SLC3A2: variants seen among roughly 807,000 people sequenced by gnomAD.
SLC3A2 encodes amino acid transporter heavy chain SLC3A2.
SLC3A2 carries 32 observed loss-of-function variants against 48.5 expected under a neutral mutation model. That is an observed-to-expected ratio of 0.66 (90% confidence interval 0.50 to 0.89). The LOEUF is 0.89. Ranked by LOEUF, SLC3A2 falls within the 40% of genes least tolerant of loss-of-function variation. SLC3A2 has a pLI of 0.00. For missense variants in SLC3A2, 587 were observed against 680.7 expected (o/e 0.86, Z 1.53); for synonymous variants, 277 against 288.8 (o/e 0.96, Z 0.41).
At chr11:62,882,612 G>C (rs1164038966) in intron 2 of SLC3A2, 1 of 347,996 alleles carries the variant, frequency 2.9e-6, no homozygotes, top group African/African-American at 2.1e-5. Flanking sequence ...AGCCTCCTGA[G>C]TAGCTGGTAC....
At chr11:62,867,007 T>A (rs1415047289) in intron 1 of SLC3A2, among the ~76,000 whole-genome samples, 3 of 152,182 alleles carry the variant, frequency 2.0e-5, no homozygotes, top group African/African-American at 7.2e-5. Context: ...TCTTTCTGTT[T>A]TTTTGAGATG....
Position 62,881,878 on chromosome 11 carries a change from C to T in SLC3A2, c.425-15C>T. 1.2e-6 allele frequency: 2 copies of T among 1,612,522 alleles called. No individual in the cohort carries two copies. The highest frequency in any genetic ancestry group is 1.7e-6 in the Non-Finnish European group (2 of 1,179,018). On this transcript the variant is annotated splice_polypyrimidine_tract_variant and intron_variant, in intron 1 of 8. Coordinates refer to ENST00000338663, the MANE Select transcript of SLC3A2 (RefSeq NM_001013251.3). The surrounding 1 kb of genome is among the most constrained non-coding windows in gnomAD (Gnocchi z 4.0). ...CTCAGAGGGGCCTCACTTGTTAACC[C>T]AGCCCCCATTTCAGGTCTGAAGGGG...
In SLC3A2 at chr11:62,881,164, G is replaced by A. The variant is rs151229224; in HGVS notation, c.141G>A (p.Val47=). The change falls in exon 1 of 9, where the codon GTG becomes GTA. Residue 47 remains valine (V), a synonymous_variant. Transcript: ENST00000338663. The surrounding 1 kb of genome is among the most constrained non-coding windows in gnomAD (Gnocchi z 4.0). ...AEKNGLVKIK[V]AEDEAEAAAA... The stretch of plus-strand genomic sequence containing the variant: ...AGAATGGTCTGGTGAAGATCAAGGT[G>A]GCGGAAGACGAGGCGGAGGCGGCAG... 104 of 1,599,262 alleles carry A rather than the reference G, an allele frequency of 6.5e-5. No homozygotes were observed. In the African/African-American group the frequency reaches 1.0e-3, roughly 15 times the overall value.
At chr11:62,859,188 C>G (rs1484455588) in intron 1 of SLC3A2, among the ~76,000 whole-genome samples, 11 of 152,068 alleles carry the variant, frequency 7.2e-5, no homozygotes, top group African/African-American at 2.4e-4. Flanking sequence ...CTGCGGCCTT[C>G]CGCAGTTTTT....
At chr11:62,886,033 T>TA (rs1269241963) in intron 7 of SLC3A2, among the ~76,000 whole-genome samples, 6 of 152,192 alleles carry the variant, frequency 3.9e-5, no homozygotes, top group Non-Finnish European at 8.8e-5. Context: ...CTCATGCCTG[T>TA]AATCCTAGCA....
intron 1 of SLC3A2, among the ~76,000 whole-genome samples, chr11:62,870,087 G>A (rs1362532577): frequency 4.0e-5 from 6 of 151,888 alleles, no homozygotes; most frequent in Admixed American, 2.6e-4. Flanking sequence ...GTGAGCCACC[G>A]CACCTGGCCT....
chr11:62,878,776 CTTT>C (rs1208769391), upstream of SLC3A2, among the ~76,000 whole-genome samples: 1 of 143,912 alleles, frequency 6.9e-6, no homozygotes, highest in African/African-American at 2.6e-5. Flanking sequence ...CACGCCTGGC[CTTT>C]TTTTTTCTTT....
At chr11:62,878,312 G>A (rs571126234), upstream of SLC3A2, among the ~76,000 whole-genome samples, 1 of 152,152 alleles carries the variant, frequency 6.6e-6, no homozygotes, top group South Asian at 2.1e-4. Flanking sequence ...TTAGAGACAG[G>A]GTCTCGCTCT....
At chr11:62,877,985 T>C (rs574100878), upstream of SLC3A2, among the ~76,000 whole-genome samples, 2 of 152,224 alleles carry the variant, frequency 1.3e-5, no homozygotes, top group Non-Finnish European at 2.9e-5. Context: ...GGTGAAACCC[T>C]GTCTCTCCTA....
chr11:62,869,304 C>A (rs1233046864), intron 1 of SLC3A2, among the ~76,000 whole-genome samples: 1 of 151,708 alleles, frequency 6.6e-6, no homozygotes, highest in East Asian at 1.9e-4. Context: ...ATGGGCGGAT[C>A]ACAAGGTCAG....
chr11:62,856,370 G>A (rs1565239706), exon 1 of SLC3A2: 1 of 1,611,494 alleles, frequency 6.2e-7, no homozygotes, highest in Non-Finnish European at 8.5e-7. Flanking sequence ...CTCAGCGCGG[G>A]GGACGACTCA....
intron 1 of SLC3A2, among the ~76,000 whole-genome samples, chr11:62,869,767 A>T: frequency 6.7e-6 from 1 of 149,838 alleles, no homozygotes; most frequent in African/African-American, 2.5e-5. Context: ...CTTTTTCTTC[A>T]TGATTTATTC....
Position 62,881,768 on chromosome 11 carries a change from C to T in SLC3A2, c.425-125C>T. On this transcript the variant is annotated intron_variant, in intron 1 of 8. Coordinates refer to ENST00000338663, the MANE Select transcript of SLC3A2 (RefSeq NM_001013251.3). The surrounding 1 kb of genome is among the most constrained non-coding windows in gnomAD (Gnocchi z 4.0). ...AGCTCCTCTGAGTCTCGTGATTCAG[C>T]CTTGCCTCCCTCTCTCCCCCTTTGC... is the stretch of plus-strand genomic sequence containing the variant. 1.7e-5 allele frequency: 19 copies of T among 1,098,926 alleles called. No individual in the cohort carries two copies. The highest frequency in any genetic ancestry group is 2.5e-5 in the Non-Finnish European group (19 of 764,188). 68.1% of individuals were successfully genotyped at this position (1,098,926 alleles called of 1,614,324 possible).
At chr11:62,884,409 C>G (rs1590635719) in intron 3 of SLC3A2, 48 bp from the exon 4 acceptor site, 1 of 1,607,002 alleles carries the variant, frequency 6.2e-7, no homozygotes, top group Admixed American at 1.7e-5. Flanking sequence ...TTTTCTGAGC[C>G]TTTTCCTGAG....
At chr11:62,880,806 G>A, upstream of SLC3A2, 2 of 989,248 alleles carry the variant, frequency 2.0e-6, no homozygotes, top group Non-Finnish European at 2.8e-6. Flanking sequence ...AGCCGCCCAC[G>A]GCTGGGGCAG....
rs1213336253 is a variant in SLC3A2, at chr11:62,881,488, A to G, written c.424+41A>G. The G allele has an allele frequency of 6.5e-7, 1 of 1,528,110 alleles. No individual in the cohort carries two copies. The highest frequency in any genetic ancestry group is 1.4e-5 in the African/African-American group (1 of 73,178). The allele number at this position is 1,528,110 out of a possible 1,614,324, so 94.7% of individuals were successfully genotyped here. A position where few individuals can be genotyped will look rare whatever the true frequency, so the allele number is the denominator to read the frequency against. The stretch of plus-strand genomic sequence containing the variant: ...CCCCGTCCCGGGTACCTCCGGTTGA[A>G]TCTGGTGGCTTGCACCGACCCCCTC... On this transcript the variant is annotated intron_variant, in intron 1 of 8. Transcript: ENST00000338663. The surrounding 1 kb of genome is among the most constrained non-coding windows in gnomAD (Gnocchi z 4.0).
chr11:62,874,166 C>T (rs2085547509), intron 1 of SLC3A2, among the ~76,000 whole-genome samples: 2 of 151,710 alleles, frequency 1.3e-5, no homozygotes, highest in Non-Finnish European at 1.5e-5. Flanking sequence ...AATGAGGATG[C>T]AGTATTGTGT....
intron 1 of SLC3A2, among the ~76,000 whole-genome samples, chr11:62,861,910 C>CAAAA (rs1189861840): frequency 1.2e-4 from 7 of 59,188 alleles, no homozygotes; most frequent in African/African-American, 1.1e-4. Flanking sequence ...AAACCTCTCT[C>CAAAA]AAAAAAAAAA....
chr11:62,881,016 C>G lies in SLC3A2; in HGVS notation c.-8C>G. 6.4e-7 allele frequency: 1 copy of G among 1,557,990 alleles called. No homozygotes were observed. Among genetic ancestry groups the G allele is most frequent in the Non-Finnish European group, 8.7e-7 (1 of 1,148,900 alleles). On this transcript the variant is annotated 5_prime_UTR_variant, in exon 1 of 9. Coordinates refer to ENST00000338663, the MANE Select transcript of SLC3A2 (RefSeq NM_001013251.3). The surrounding 1 kb of genome is among the most constrained non-coding windows in gnomAD (Gnocchi z 4.0). ...AAGCTGCGTCGTGTCGCCGGTTCTG[C>G]AGGCACCATGAGCCAGGACACCGAG...
Sources: allele counts gnomAD v4.1 joint callset (sites outside exome capture counted in the v4.1 genomes callset), GRCh38; gene constraint gnomAD v4.1.1; non-coding constraint Gnocchi (gnomAD v3.1); transcripts MANE v1.5; gene names NCBI Gene and HGNC (gene_info 2026-07-23, HGNC 2026-07-21).